The following WDR20 variants were observed in gnomAD, a reference collection of about 807,000 sequenced individuals.
WDR20 encodes WD repeat-containing protein 20.
In WDR20, 3 loss-of-function variants were observed where a neutral mutation model predicts 38.7. That is an observed-to-expected ratio of 0.08 (90% CI 0.04 to 0.20). The LOEUF (loss-of-function observed/expected upper bound fraction) is 0.20, where lower values mean the gene tolerates loss of function less well. Among genes scored for constraint, WDR20 ranks in the 10% least tolerant of loss-of-function variants. The pLI is 1.00. For missense variants in WDR20, 559 were observed against 727.7 expected (o/e 0.77, Z 2.67); for synonymous variants, 298 against 285.6 (o/e 1.04, Z -0.44).
intron 1 of WDR20, among the ~76,000 whole-genome samples, chr14:102,148,578 A>T (rs1372705200): frequency 6.6e-6 from 1 of 151,490 alleles, no homozygotes; most frequent in Non-Finnish European, 1.5e-5. Flanking sequence ...TTCATCAAGC[A>T]TTTATTGATG....
At chr14:102,211,625 C>A (rs1314335326), downstream of WDR20, among the ~76,000 whole-genome samples, 1 of 152,214 alleles carries the variant, frequency 6.6e-6, no homozygotes, top group Non-Finnish European at 1.5e-5. This position sits in a 1 kb window ranked among gnomAD's most constrained non-coding sequence, Gnocchi z 4.2. Flanking sequence ...CTGTGGAATA[C>A]GGGCCTTTGT....
At chr14:102,181,111 G>A (rs768230224) in intron 1 of WDR20, among the ~76,000 whole-genome samples, 3 of 152,034 alleles carry the variant, frequency 2.0e-5, no homozygotes, top group Non-Finnish European at 2.9e-5. Flanking sequence ...AAGAAGGCTG[G>A]CAGCATTCAG....
chr14:102,141,976 C>T (rs559124729), intron 1 of WDR20, among the ~76,000 whole-genome samples: 2 of 152,254 alleles, frequency 1.3e-5, no homozygotes, highest in South Asian at 4.1e-4. Context: ...TTATCTGGAT[C>T]TGGTAGCCCT....
chr14:102,141,340 G>C (rs2051046401), intron 1 of WDR20, among the ~76,000 whole-genome samples: 1 of 152,194 alleles, frequency 6.6e-6, no homozygotes, highest in Admixed American at 6.5e-5. Context: ...CTTGTTACAA[G>C]AGCTAGGGAA....
At chr14:102,202,728 C>G (rs2060722502) in intron 2 of WDR20, among the ~76,000 whole-genome samples, 1 of 151,958 alleles carries the variant, frequency 6.6e-6, no homozygotes, top group Non-Finnish European at 1.5e-5. Context: ...TCCGCTGCAC[C>G]TGCTTCCTTG....
At chr14:102,187,747 C>A (rs1346538115) in intron 1 of WDR20, among the ~76,000 whole-genome samples, 2 of 152,200 alleles carry the variant, frequency 1.3e-5, no homozygotes, top group Admixed American at 6.5e-5. Flanking sequence ...AGAGGCTGAG[C>A]TAAGCTGGGG....
intron 1 of WDR20, among the ~76,000 whole-genome samples, chr14:102,163,717 T>A (rs76466774): frequency 6.6e-6 from 1 of 151,228 alleles, no homozygotes; most frequent in Admixed American, 6.6e-5. Context: ...TCCAATCTTA[T>A]GTTGTTAGAA....
downstream of WDR20, among the ~76,000 whole-genome samples, chr14:102,224,096 C>G (rs1007206426): frequency 3.6e-5 from 5 of 140,798 alleles, no homozygotes; most frequent in African/African-American, 1.4e-4. Flanking sequence ...GGCTGGAGTG[C>G]AGTGGCGCAA....
chr14:102,183,451 T>A (rs539705226), intron 1 of WDR20, among the ~76,000 whole-genome samples: 1 of 152,264 alleles, frequency 6.6e-6, no homozygotes, highest in Admixed American at 6.5e-5. Flanking sequence ...AGCAGTGTAC[T>A]ATGTCCAAAA....
At chr14:102,173,362 C>T (rs1203988364) in intron 1 of WDR20, among the ~76,000 whole-genome samples, 1 of 151,650 alleles carries the variant, frequency 6.6e-6, no homozygotes, top group Non-Finnish European at 1.5e-5. Context: ...AATCCACCCA[C>T]CTTGGCCTCC....
At chr14:102,185,541 G>T (rs529783379) in intron 1 of WDR20, among the ~76,000 whole-genome samples, 50 of 152,200 alleles carry the variant, frequency 3.3e-4, no homozygotes, top group Admixed American at 1.5e-3. Context: ...TCTACCACTG[G>T]GTTCCTCTGG....
chr14:102,151,173 A>ATTTTTTTTTTTTTTTTTTTTTTT (rs534503694), intron 1 of WDR20, among the ~76,000 whole-genome samples: 1 of 111,548 alleles, frequency 9.0e-6, no homozygotes, highest in African/African-American at 3.9e-5. Context: ...CCATTGGGGA[A>ATTTTTTTTTTTTTTTTTTTTTTT]TTTTTTTTTT....
intron 2 of WDR20, among the ~76,000 whole-genome samples, chr14:102,205,005 G>A (rs1475257498): frequency 1.3e-5 from 2 of 152,198 alleles, no homozygotes; most frequent in East Asian, 1.9e-4. Flanking sequence ...CCAGCACTTC[G>A]AGAGGCCAAG....
intron 1 of WDR20, among the ~76,000 whole-genome samples, chr14:102,166,687 A>G (rs1596147316): frequency 6.6e-6 from 1 of 151,978 alleles, no homozygotes; most frequent in Admixed American, 6.6e-5. Context: ...TTTTTGCCCT[A>G]ATTTTGTTTT....
chr14:102,196,816 C>T (rs937725672), intron 2 of WDR20, among the ~76,000 whole-genome samples: 1 of 152,226 alleles, frequency 6.6e-6, no homozygotes, highest in Non-Finnish European at 1.5e-5. Flanking sequence ...TTATCTCATA[C>T]TCACTTTACA....
intron 1 of WDR20, among the ~76,000 whole-genome samples, chr14:102,168,818 A>G (rs2060269067): frequency 6.6e-6 from 1 of 152,016 alleles, no homozygotes; most frequent in African/African-American, 2.4e-5. Context: ...TGCTTCTACC[A>G]CTACCACCCT....
chr14:102,188,156 G>C (rs1272514427), intron 1 of WDR20, among the ~76,000 whole-genome samples: 1 of 152,132 alleles, frequency 6.6e-6, no homozygotes, highest in Non-Finnish European at 1.5e-5. Context: ...TTTTTCAAAA[G>C]AGCTCTGAGA....
At chr14:102,151,096 GT>G (rs1239043316) in intron 1 of WDR20, among the ~76,000 whole-genome samples, 3 of 151,526 alleles carry the variant, frequency 2.0e-5, no homozygotes, top group Non-Finnish European at 4.4e-5. Context: ...GCTGTGTACA[GT>G]TGGTGAGAGG....
At chr14:102,164,347 C>T (rs1429993243) in intron 1 of WDR20, among the ~76,000 whole-genome samples, 1 of 102,612 alleles carries the variant, frequency 9.7e-6, no homozygotes, top group Non-Finnish European at 2.0e-5. Context: ...ATCTTCATCA[C>T]ATGACCCAGG....
Sources: allele counts gnomAD v4.1 joint callset (sites outside exome capture counted in the v4.1 genomes callset), GRCh38; gene constraint gnomAD v4.1.1; non-coding constraint Gnocchi (gnomAD v3.1); transcripts MANE v1.5; gene names NCBI Gene and HGNC (gene_info 2026-07-23, HGNC 2026-07-21).